Variants in FBH1 observed in about 807,000 individuals in gnomAD.
FBH1 encodes the protein DNA 3'-5' helicase 1.
A neutral mutation model predicts 115.5 loss-of-function variants in FBH1; 43 were observed. The ratio of observed to expected loss-of-function variants is 0.37; its 90% CI spans 0.29 to 0.48. The LOEUF is 0.48. Among genes scored for constraint, FBH1 ranks in the 20% least tolerant of loss-of-function variants. The pLI is 0.99. For synonymous variants in FBH1, 524 were observed against 507.8 expected (o/e 1.03, Z -0.43); for missense variants, 1,001 against 1,337.3 (o/e 0.75, Z 3.92).
rs569703022 is a variant in FBH1, at chr10:5,933,225, TA to T, written c.2830-3226del. ...TAACATGGTGAAACCCTGTCTCTAC[TA>T]AAAATACAAAAATTAGCTGGGTGTA... On this transcript the variant is annotated intron_variant, in intron 19 of 20. Coordinates refer to ENST00000362091, the MANE Select transcript of FBH1 (RefSeq NM_178150.3). The surrounding 1 kb of genome is among the most constrained non-coding windows in gnomAD (Gnocchi z 4.9). Among the ~76,000 whole-genome samples the T allele has an allele frequency of 1.6e-4, 25 of 152,180 alleles. No homozygotes were observed. The South Asian group carries it at 5.2e-3, about 32-fold the overall frequency.
chr10:5,933,872 A>G lies in FBH1; in HGVS notation c.2830-2584A>G, dbSNP rs1017901138. 2.0e-5 allele frequency among the ~76,000 whole-genome samples: 3 copies of G among 152,008 alleles called. No homozygotes were observed. The highest frequency in any genetic ancestry group is 2.9e-5 in the Non-Finnish European group (2 of 68,000). On this transcript the variant is annotated intron_variant, in intron 19 of 20. Transcript: ENST00000362091. The surrounding 1 kb of genome is among the most constrained non-coding windows in gnomAD (Gnocchi z 4.9). ...TCACCATGTTGGCCAGGCTGGTCTC[A>G]AACTCCTGACTTGAAGTGATCCACT... is the stretch of plus-strand genomic sequence containing the variant.
chr10:5,916,291 C>A lies in FBH1; in HGVS notation c.1623C>A (p.Ser541=). Residue 541 remains serine, a synonymous_variant, in exon 10 of 21, where the codon TCC becomes TCA. Transcript: ENST00000362091. ...LFKLTPFMVN[S]VLAEGKGGFI... is the part of the protein sequence containing the mutation. ...AGTTAACACCCTTCATGGTCAACTCCGTCCTTGCTGAAGGGAAGGGTGGAT... is the reference window on the plus strand; with the variant it reads ...AGTTAACACCCTTCATGGTCAACTCAGTCCTTGCTGAAGGGAAGGGTGGAT... 6.2e-7 allele frequency: 1 copy of A among 1,614,188 alleles called. No individual in the cohort carries two copies. Among genetic ancestry groups the A allele is most frequent in the South Asian group, 1.1e-5 (1 of 91,082 alleles).
In FBH1 at chr10:5,901,454, G is replaced by A. The variant is rs1315789133; in HGVS notation, c.2-1566G>A. Among the ~76,000 whole-genome samples the A allele has an allele frequency of 3.3e-5, 5 of 152,120 alleles. No homozygotes were observed. In the South Asian group the frequency reaches 6.2e-4, roughly 19 times the overall value. On this transcript the variant is annotated intron_variant, in intron 1 of 20. Transcript: ENST00000362091. ...ATTACAGGTGTGAGACACTGCGCCC[G>A]ACCTACTGGAGTGTTTTTTAGGATC...
At position 5,915,834 on chromosome 10, in the gene FBH1, CTTAAAGT is replaced by C; in HGVS notation, c.1565+265_1565+271del. Reference sequence around the variant, plus strand: ...AGGCACAGAAAGTCAAAATGACTTGCTTAAAGTTCAGAGTCTCACAAATCCTGATCAG... The same window carrying C: ...AGGCACAGAAAGTCAAAATGACTTGCTCAGAGTCTCACAAATCCTGATCAG... On this transcript the variant is annotated intron_variant, in intron 9 of 20. Coordinates refer to ENST00000362091, the MANE Select transcript of FBH1 (RefSeq NM_178150.3). This position sits in a 1 kb window ranked among gnomAD's most constrained non-coding sequence, Gnocchi z 5.2. 2.0e-6 allele frequency: 1 copy of C among 510,070 alleles called. No homozygotes were observed. Among genetic ancestry groups the C allele is most frequent in the Non-Finnish European group, 3.5e-6 (1 of 284,260 alleles). 31.6% of individuals were successfully genotyped at this position (510,070 alleles called of 1,614,324 possible).
chr10:5,920,889 C>T (rs1168483518), intron 13 of FBH1, among the ~76,000 whole-genome samples: 1 of 152,172 alleles, frequency 6.6e-6, no homozygotes, highest in Non-Finnish European at 1.5e-5. Flanking sequence ...GCTAGTGCTT[C>T]TGCCATGGCT....
In FBH1 at chr10:5,913,622, C is replaced by T. The variant is rs1831745277; in HGVS notation, c.1212-125C>T. Reference sequence around the variant, plus strand: ...TTTAAATCCTTTTCTTTCTTTTTTCCATTAAATGGTGGTAGGTATTTTCTT... The same window carrying T: ...TTTAAATCCTTTTCTTTCTTTTTTCTATTAAATGGTGGTAGGTATTTTCTT... On this transcript the variant is annotated intron_variant, in intron 6 of 20. Coordinates refer to ENST00000362091, the MANE Select transcript of FBH1 (RefSeq NM_178150.3). The surrounding 1 kb of genome is among the most constrained non-coding windows in gnomAD (Gnocchi z 4.4). The T allele has an allele frequency of 4.8e-6, 3 of 622,516 alleles. No homozygotes were observed. Among genetic ancestry groups the T allele is most frequent in the Non-Finnish European group, 8.1e-6 (3 of 369,978 alleles). 38.6% of individuals were successfully genotyped at this position (622,516 alleles called of 1,614,324 possible). A position where few individuals can be genotyped will look rare whatever the true frequency, so the allele number is the denominator to read the frequency against.
Position 5,932,719 on chromosome 10 carries a change from T to C in FBH1, c.2830-3737T>C, listed in dbSNP as rs1445274130. Among the ~76,000 whole-genome samples, 2 of 152,090 alleles carry C rather than the reference T, an allele frequency of 1.3e-5. No individual in the cohort carries two copies. The highest frequency in any genetic ancestry group is 2.9e-5 in the Non-Finnish European group (2 of 68,002). On this transcript the variant is annotated intron_variant, in intron 19 of 20. Coordinates refer to ENST00000362091, the MANE Select transcript of FBH1 (RefSeq NM_178150.3). This position sits in a 1 kb window ranked among gnomAD's most constrained non-coding sequence, Gnocchi z 5.9. ...TGCAAGTGTGACTTTTCTGTTGTTT[T>C]GTTTTGTTTTGTTTTTGAGACAAGG...
Position 5,908,601 on chromosome 10 carries a change from T to G in FBH1, c.754-324T>G, listed in dbSNP as rs536407035. ...TGTTTGTGGCTTAATCTGCTTTTTT[T>G]CTTTCTTTTTTTTTTTTTGAGATGG... On this transcript the variant is annotated intron_variant, in intron 3 of 20. Transcript: ENST00000362091. 1.4e-3 allele frequency among the ~76,000 whole-genome samples: 218 copies of G among 152,040 alleles called. 2 individuals are homozygous for G. The highest frequency in any genetic ancestry group is 5.0e-3 in the African/African-American group (206 of 41,444).
intron 13 of FBH1, among the ~76,000 whole-genome samples, chr10:5,920,595 A>G (rs1253664335): frequency 1.3e-5 from 2 of 152,190 alleles, no homozygotes; most frequent in African/African-American, 2.4e-5. Context: ...AATTTCGGTT[A>G]TGGTTCACTC....
chr10:5,913,822 GCCATC>G lies in FBH1; in HGVS notation c.1288_1292del (p.Pro430CysfsTer13). Reference sequence around the variant, plus strand: ...CTCAGGCCACAAAAGTTAAAGAGGAGCCATCTGTCTGGCCAGGGTATGTGTATATG... The same window carrying G: ...CTCAGGCCACAAAAGTTAAAGAGGAGTGTCTGGCCAGGGTATGTGTATATG... On this transcript the variant is annotated frameshift_variant, in exon 7 of 21. Coordinates refer to ENST00000362091, the MANE Select transcript of FBH1 (RefSeq NM_178150.3). LOFTEE classifies it high-confidence loss of function. The surrounding 1 kb of genome is among the most constrained non-coding windows in gnomAD (Gnocchi z 4.4). The G allele has an allele frequency of 6.3e-7, 1 of 1,598,466 alleles. No homozygotes were observed.
intron 19 of FBH1, among the ~76,000 whole-genome samples, chr10:5,928,846 T>G (rs1245747746): frequency 6.6e-6 from 1 of 152,176 alleles, no homozygotes; most frequent in Non-Finnish European, 1.5e-5. Flanking sequence ...AAAACTTAAG[T>G]GTAAAAGTTA....
intron 19 of FBH1, chr10:5,929,478 A>G (rs1832849913): frequency 6.6e-6 from 1 of 152,224 alleles, no homozygotes; most frequent in Non-Finnish European, 1.5e-5. Context: ...ACCGAGTGCA[A>G]CAGCTTAAGC....
chr10:5,909,381 T>G lies in FBH1; in HGVS notation c.1020+87T>G. On this transcript the variant is annotated intron_variant, in intron 5 of 20. Transcript: ENST00000362091. The surrounding 1 kb of genome is among the most constrained non-coding windows in gnomAD (Gnocchi z 4.4). ...GATTCAGTTCAATTGAGGATGACTT[T>G]ATATTTATTTTTAATGTCTGTATTT... 1 of 1,422,710 alleles carries G rather than the reference T, an allele frequency of 7.0e-7. No homozygotes were observed. Among genetic ancestry groups the G allele is most frequent in the Non-Finnish European group, 9.4e-7 (1 of 1,063,170 alleles). The allele number at this position is 1,422,710 out of a possible 1,614,324, so 88.1% of individuals were successfully genotyped here.
intron 1 of FBH1, among the ~76,000 whole-genome samples, chr10:5,899,772 T>C (rs1843228913): frequency 6.6e-6 from 1 of 152,218 alleles, no homozygotes; most frequent in Admixed American, 6.5e-5. Context: ...GGCAAAATAG[T>C]CCTTGCGTTA....
chr10:5,916,132 A>G, intron 9 of FBH1, 102 bp from the exon 10 acceptor site: 1 of 1,002,152 alleles, frequency 1.0e-6, no homozygotes, highest in South Asian at 1.5e-5. Flanking sequence ...TGTGTGTGGC[A>G]CTTGAAGCTA....
rs1359231598 is a variant in FBH1 at position 5,912,702 on chromosome 10, G to A, written c.1212-1045G>A. On this transcript the variant is annotated intron_variant, in intron 6 of 20. Transcript: ENST00000362091. ...TTGCCGCATCCCCACAGGGTGGAGA[G>A]AACACTGGCGTCTCCTCTTAGGAGG... Among the ~76,000 whole-genome samples the A allele has an allele frequency of 2.6e-5, 4 of 152,244 alleles. No homozygotes were observed. In the East Asian group the frequency reaches 5.8e-4, roughly 22 times the overall value.
In FBH1 at chr10:5,910,993, A is replaced by G. The variant is rs900833684; in HGVS notation, c.1076A>G (p.Asn359Ser). 3.1e-6 allele frequency: 5 copies of G among 1,612,318 alleles called. No individual in the cohort carries two copies. The highest frequency in any genetic ancestry group is 3.3e-5 in the Admixed American group (2 of 59,988). The stretch of plus-strand genomic sequence containing the variant: ...GTGGTGCTCCTCTCCAGCAGTGTGA[A>G]TGACATCCAGCGACTGCTCTTCTGC... Reference protein sequence around the residue: ...AAVVLLSSSVNDIQRLLFCLR... With the variant: ...AAVVLLSSSVSDIQRLLFCLR... Residue 359 changes from asparagine to serine, a missense_variant, in exon 6 of 21, where the codon AAT becomes AGT. By Grantham distance (46) the Asn-to-Ser change is conservative. Around this residue, in one of 4 missense-constraint regions of FBH1, gnomAD observed 59 missense variants for 79.7 expected, o/e 0.74. Transcript: ENST00000362091. This position sits in a 1 kb window ranked among gnomAD's most constrained non-coding sequence, Gnocchi z 4.8.
chr10:5,898,984 G>A (rs923609888), intron 1 of FBH1, among the ~76,000 whole-genome samples: 1 of 152,136 alleles, frequency 6.6e-6, no homozygotes, highest in Non-Finnish European at 1.5e-5. Context: ...AGAAGGCTTC[G>A]ATAAAGCCAT....
chr10:5,889,879 C>T (rs1842589293), upstream of FBH1: 1 of 161,094 alleles, frequency 6.2e-6, no homozygotes, highest in African/African-American at 2.4e-5. Flanking sequence ...CCGCACGCGT[C>T]CTCAGGGCCG....
Sources: gnomAD v4.1 joint callset for allele counts (sites outside exome capture counted in the v4.1 genomes callset) on GRCh38, gnomAD v4.1.1 for gene constraint, gnomAD v4.1.1 regional missense constraint, Gnocchi (gnomAD v3.1) non-coding constraint, MANE v1.5 for transcripts, NCBI Gene and HGNC (gene_info 2026-07-23, HGNC 2026-07-21) for gene names.